Variants in KIAA1217 observed in about 807,000 individuals in gnomAD.
KIAA1217 encodes KIAA1217, also known as sickle tail protein homolog.
Under a neutral mutation model 163.9 loss-of-function variants are expected in KIAA1217, and 88 were observed. The ratio of observed to expected loss-of-function variants is 0.54; its 90% CI spans 0.45 to 0.64. The LOEUF is 0.64. KIAA1217 is among the 30% of genes least tolerant of loss of function. The probability of loss-of-function intolerance (pLI) is 0.00; values close to 1 mark genes in which losing one functional copy is unlikely to be tolerated. For missense variants in KIAA1217, 2,372 were observed against 2,475.0 expected (o/e 0.96, Z 0.88); for synonymous variants, 903 against 923.1 (o/e 0.98, Z 0.39).
intron 2 of KIAA1217, among the ~76,000 whole-genome samples, chr10:24,117,373 C>G (rs1266343821): frequency 2.0e-5 from 3 of 152,090 alleles, no homozygotes; most frequent in Non-Finnish European, 4.4e-5. Context: ...AGCATGGTGG[C>G]TCATGCCTGT....
chr10:24,282,386 G>A (rs778097276), intron 2 of KIAA1217, among the ~76,000 whole-genome samples: 5 of 152,116 alleles, frequency 3.3e-5, no homozygotes, highest in Non-Finnish European at 5.9e-5. Flanking sequence ...CACACTTGAG[G>A]AGTGTGCTAT....
chr10:24,361,552 A>G (rs1223641199), intron 2 of KIAA1217, among the ~76,000 whole-genome samples: 2 of 152,146 alleles, frequency 1.3e-5, no homozygotes, highest in East Asian at 3.9e-4. Flanking sequence ...CTCCTGTTAC[A>G]TGATAGCTAC....
intron 2 of KIAA1217, among the ~76,000 whole-genome samples, chr10:24,256,148 C>T (rs1443472102): frequency 1.3e-5 from 2 of 151,772 alleles, no homozygotes; most frequent in African/African-American, 4.8e-5. Flanking sequence ...GCACAGTTGC[C>T]TGCGGGGCTG....
At chr10:24,234,483 G>T (rs1315925803) in intron 2 of KIAA1217, among the ~76,000 whole-genome samples, 1 of 151,782 alleles carries the variant, frequency 6.6e-6, no homozygotes, top group African/African-American at 2.4e-5. Context: ...GGCCAATATG[G>T]TGAAACCCTG....
intron 1 of KIAA1217, among the ~76,000 whole-genome samples, chr10:23,911,952 C>T (rs1273607660): frequency 6.6e-6 from 1 of 152,130 alleles, no homozygotes; most frequent in Non-Finnish European, 1.5e-5. Context: ...ATCATACCCT[C>T]CACTACAGGC....
At chr10:23,699,340 C>T (rs1427663802) in intron 1 of KIAA1217, among the ~76,000 whole-genome samples, 2 of 152,222 alleles carry the variant, frequency 1.3e-5, no homozygotes, top group South Asian at 2.1e-4. Context: ...ACAGAAGGGA[C>T]TGCGAAGACC....
chr10:23,991,129 T>G (rs1432525597), intron 1 of KIAA1217, among the ~76,000 whole-genome samples: 2 of 152,242 alleles, frequency 1.3e-5, no homozygotes, highest in Non-Finnish European at 2.9e-5. Context: ...GATTGGGTCA[T>G]CAAACTAGTC....
At chr10:24,198,464 C>G (rs2067091785) in intron 2 of KIAA1217, among the ~76,000 whole-genome samples, 1 of 151,930 alleles carries the variant, frequency 6.6e-6, no homozygotes, top group African/African-American at 2.4e-5. Flanking sequence ...CAAAAATTAG[C>G]CAGGCGTGGT....
intron 2 of KIAA1217, among the ~76,000 whole-genome samples, chr10:24,177,105 G>A (rs2065929952): frequency 6.6e-6 from 1 of 151,468 alleles, no homozygotes. Context: ...ACAAGCACAG[G>A]GAGCCAGCTT....
chr10:24,068,334 T>A (rs1243232500), intron 2 of KIAA1217, among the ~76,000 whole-genome samples: 1 of 152,218 alleles, frequency 6.6e-6, no homozygotes, highest in Non-Finnish European at 1.5e-5. Context: ...TGTTTGGTTT[T>A]TTCCTTAATT....
chr10:23,735,567 T>C (rs535937302), intron 1 of KIAA1217, among the ~76,000 whole-genome samples: 2 of 152,110 alleles, frequency 1.3e-5, no homozygotes, highest in Non-Finnish European at 2.9e-5. Context: ...TGTATGTTTA[T>C]TTGCCATTTT....
rs760117696 is a variant in KIAA1217 at position 24,545,027 on chromosome 10, G to A, written c.5258G>A (p.Ser1753Asn). 6.2e-7 allele frequency: 1 copy of A among 1,614,114 alleles called. No homozygotes were observed. The highest frequency in any genetic ancestry group is 8.5e-7 in the Non-Finnish European group (1 of 1,180,020). Residue 1753 changes from serine to asparagine, a missense_variant, in exon 20 of 21, where the codon AGT becomes AAT. Ser to Asn is a conservative substitution (Grantham distance 46). Transcript: ENST00000376454. Reference protein sequence around the residue: ...PQTSRMPVPMSAKNRPGTLDK... With the variant: ...PQTSRMPVPMNAKNRPGTLDK... ...ACGAGCAGGATGCCTGTCCCCATGA[G>A]TGCCAAGAACAGACCCGGAACCCTG...
At chr10:23,858,751 C>T (rs538003002) in intron 1 of KIAA1217, among the ~76,000 whole-genome samples, 2 of 152,222 alleles carry the variant, frequency 1.3e-5, no homozygotes, top group South Asian at 2.1e-4. Flanking sequence ...TTTACAGTTG[C>T]CTCATCTGCT....
intron 2 of KIAA1217, among the ~76,000 whole-genome samples, chr10:24,097,903 A>G (rs979717481): frequency 1.6e-4 from 25 of 152,242 alleles, no homozygotes; most frequent in African/African-American, 6.0e-4. Flanking sequence ...CAGCCACGGC[A>G]CCAATGGGGA....
chr10:23,868,947 A>G (rs116560838), intron 1 of KIAA1217, among the ~76,000 whole-genome samples: 1 of 152,106 alleles, frequency 6.6e-6, no homozygotes, highest in African/African-American at 2.4e-5. Flanking sequence ...AAAGTGAATG[A>G]ATATTAAACA....
At chr10:24,060,464 C>T (rs1233712977) in intron 2 of KIAA1217, among the ~76,000 whole-genome samples, 2 of 152,116 alleles carry the variant, frequency 1.3e-5, no homozygotes, top group Non-Finnish European at 2.9e-5. Context: ...TTTCTAGTTT[C>T]ATTTCATTAT....
At chr10:24,490,699 T>C (rs1564786728) in intron 6 of KIAA1217, among the ~76,000 whole-genome samples, 1 of 152,212 alleles carries the variant, frequency 6.6e-6, no homozygotes, top group Non-Finnish European at 1.5e-5. Flanking sequence ...GAGTAGAGCA[T>C]ACACTTGTAT....
chr10:23,830,748 G>A (rs1838152429), intron 1 of KIAA1217, among the ~76,000 whole-genome samples: 1 of 151,106 alleles, frequency 6.6e-6, no homozygotes. Context: ...ACAGATAGAT[G>A]ATTGCTGGAA....
At chr10:24,347,491 GC>G (rs1249286569) in intron 2 of KIAA1217, among the ~76,000 whole-genome samples, 6 of 152,152 alleles carry the variant, frequency 3.9e-5, no homozygotes, top group Non-Finnish European at 7.3e-5. Flanking sequence ...TTACAAACGT[GC>G]CAGCTTTGAC....
Sources: gnomAD v4.1 joint callset for allele counts (sites outside exome capture counted in the v4.1 genomes callset) on GRCh38, gnomAD v4.1.1 for gene constraint, MANE v1.5 for transcripts, NCBI Gene and HGNC (gene_info 2026-07-23, HGNC 2026-07-21) for gene names.